The following PPP1R16B variants were observed in gnomAD, a reference collection of about 807,000 sequenced individuals.
PPP1R16B encodes protein phosphatase 1 regulatory inhibitor subunit 16B.
In PPP1R16B, 14 loss-of-function variants were observed where a neutral mutation model predicts 61.7. That is an observed-to-expected ratio of 0.23 (90% CI 0.15 to 0.35). The LOEUF (loss-of-function observed/expected upper bound fraction) is 0.35, where lower values mean the gene tolerates loss of function less well. PPP1R16B is among the 10% of genes least tolerant of loss of function. The pLI is 1.00. For synonymous variants in PPP1R16B, 266 were observed against 305.3 expected (o/e 0.87, Z 1.34); for missense variants, 547 against 752.5 (o/e 0.73, Z 3.19).
At chr20:38,824,715 C>G (rs962668829) in intron 1 of PPP1R16B, among the ~76,000 whole-genome samples, 6 of 152,252 alleles carry the variant, frequency 3.9e-5, no homozygotes, top group African/African-American at 1.4e-4. Flanking sequence ...AGTGAACAAA[C>G]TATATGAAAA....
In PPP1R16B at chr20:38,905,893, G is replaced by A. The variant is rs1345713118; in HGVS notation, c.697-76G>A. On this transcript the variant is annotated intron_variant, in intron 6 of 10. Transcript: ENST00000299824. ...GCCCCAAGGATGCTGTGGGAGTTGGGTGAAGGTGAGAGCTAGCCTACCGTC... is the reference window on the plus strand; with the variant it reads ...GCCCCAAGGATGCTGTGGGAGTTGGATGAAGGTGAGAGCTAGCCTACCGTC... 7.5e-6 allele frequency: 11 copies of A among 1,467,104 alleles called. No individual in the cohort carries two copies. The South Asian group carries it at 8.9e-5, about 12-fold the overall frequency. 90.9% of individuals were successfully genotyped at this position (1,467,104 alleles called of 1,614,324 possible). A position where few individuals can be genotyped will look rare whatever the true frequency, so the allele number is the denominator to read the frequency against.
At chr20:38,840,914 G>C (rs555580501) in intron 2 of PPP1R16B, among the ~76,000 whole-genome samples, 1 of 152,294 alleles carries the variant, frequency 6.6e-6, no homozygotes, top group East Asian at 1.9e-4. Context: ...GAAGTGGTAT[G>C]GTCAGAGCTA....
intron 1 of PPP1R16B, among the ~76,000 whole-genome samples, chr20:38,834,524 T>C (rs1197768145): frequency 1.3e-5 from 2 of 152,228 alleles, no homozygotes; most frequent in Non-Finnish European, 2.9e-5. Flanking sequence ...AGAGCAAGGA[T>C]GTAATTTTTT....
chr20:38,878,039 ACATGTTTGGATGTCGGTCATCTTGCTT>A (rs1388608132), intron 2 of PPP1R16B, among the ~76,000 whole-genome samples: 1 of 133,100 alleles, frequency 7.5e-6, no homozygotes, highest in Non-Finnish European at 1.5e-5. Flanking sequence ...CTCATCTGGT[ACATGTTTGGATGTCGGTCATCTTGCTT>A]CGTGATTTGT....
rs1408683964 is a variant in PPP1R16B at position 38,907,731 on chromosome 20, C to T, written c.899-75C>T. 2 of 1,549,210 alleles carry T rather than the reference C, an allele frequency of 1.3e-6. No homozygotes were observed. Among genetic ancestry groups the T allele is most frequent in the Non-Finnish European group, 1.8e-6 (2 of 1,132,200 alleles). ...TTTTCAGTGGGTTGGGGTGGCAGCT[C>T]CTCTGGTCTGGAGCACCCTCTTGCG... On this transcript the variant is annotated intron_variant, in intron 8 of 10. Transcript: ENST00000299824. The surrounding 1 kb of genome is among the most constrained non-coding windows in gnomAD (Gnocchi z 4.5).
intron 10 of PPP1R16B, among the ~76,000 whole-genome samples, chr20:38,912,680 A>T (rs1010261948): frequency 1.3e-5 from 2 of 151,954 alleles, no homozygotes; most frequent in Non-Finnish European, 2.9e-5. Flanking sequence ...GTCTCTAAAA[A>T]AAAAATAAAA....
At chr20:38,855,927 T>TA (rs2085002378) in intron 2 of PPP1R16B, among the ~76,000 whole-genome samples, 1 of 54,770 alleles carries the variant, frequency 1.8e-5, no homozygotes, top group Non-Finnish European at 3.1e-5. Flanking sequence ...TATATATATA[T>TA]ATATATATAT....
chr20:38,819,826 T>A (rs2084761494), intron 1 of PPP1R16B, among the ~76,000 whole-genome samples: 1 of 152,054 alleles, frequency 6.6e-6, no homozygotes. Flanking sequence ...GAAAAACAAA[T>A]ACACAAAAGT....
chr20:38,826,487 G>T (rs913152101), intron 1 of PPP1R16B, among the ~76,000 whole-genome samples: 2 of 152,194 alleles, frequency 1.3e-5, no homozygotes, highest in Non-Finnish European at 1.5e-5. Flanking sequence ...TGCAGGGGAA[G>T]CTCAGCATGG....
chr20:38,902,614 C>G, intron 5 of PPP1R16B, 54 bp from the exon 6 acceptor site: 2 of 1,610,884 alleles, frequency 1.2e-6, no homozygotes, highest in Non-Finnish European at 1.7e-6. Context: ...TTCCCCTGCC[C>G]TCTGGGGTCG....
intron 10 of PPP1R16B, among the ~76,000 whole-genome samples, chr20:38,910,135 C>A (rs149772533): frequency 6.6e-6 from 1 of 151,990 alleles, no homozygotes; most frequent in Non-Finnish European, 1.5e-5. Context: ...CCCGCCACGA[C>A]GCCTGGTGGA....
chr20:38,881,344 C>T (rs2085202166), intron 2 of PPP1R16B, among the ~76,000 whole-genome samples: 1 of 152,222 alleles, frequency 6.6e-6, no homozygotes, highest in Non-Finnish European at 1.5e-5. Flanking sequence ...GCCTTGGGGG[C>T]ACAGGACAGC....
At chr20:38,900,559 C>T (rs1213640884) in intron 4 of PPP1R16B, 22 bp from the exon 5 acceptor site, 1 of 1,590,332 alleles carries the variant, frequency 6.3e-7, no homozygotes, top group South Asian at 1.2e-5. Context: ...ACTTGGCCCT[C>T]ACCCTGCCTC....
At position 38,906,961 on chromosome 20, in the gene PPP1R16B, C is replaced by G. The variant is rs774106716; in HGVS notation, c.823-18C>G. The stretch of plus-strand genomic sequence containing the variant: ...AGCTCTGGGCAGGGGGACACATGAG[C>G]TTCTTCCTGTGTTTCAGATGCAGAT... On this transcript the variant is annotated intron_variant, in intron 7 of 10. Transcript: ENST00000299824. 6.2e-7 allele frequency: 1 copy of G among 1,608,826 alleles called. No individual in the cohort carries two copies. The highest frequency in any genetic ancestry group is 1.7e-5 in the Admixed American group (1 of 59,998).
chr20:38,918,540 A>G lies in PPP1R16B; in HGVS notation c.1578A>G (p.Ser526=). 1 of 1,582,756 alleles carries G rather than the reference A, an allele frequency of 6.3e-7. No homozygotes were observed. Among genetic ancestry groups the G allele is most frequent in the Non-Finnish European group, 8.6e-7 (1 of 1,162,578 alleles). The change falls in exon 11 of 11, where the codon TCA becomes TCG. Residue 526 remains serine (S), a synonymous_variant. Transcript: ENST00000299824. This position sits in a 1 kb window ranked among gnomAD's most constrained non-coding sequence, Gnocchi z 5.3. ...CCCCCTTGATCGGAGGCAGAACTTCACCGTACAGCAGCAATGGGACCTCGG... is the reference window on the plus strand; with the variant it reads ...CCCCCTTGATCGGAGGCAGAACTTCGCCGTACAGCAGCAATGGGACCTCGG... ...GKAPLIGGRT[S]PYSSNGTSVY...
intron 2 of PPP1R16B, among the ~76,000 whole-genome samples, chr20:38,843,043 TG>T (rs1386240101): frequency 6.6e-6 from 1 of 152,204 alleles, no homozygotes; most frequent in Non-Finnish European, 1.5e-5. Flanking sequence ...AGGGGCAGTT[TG>T]TAAAGGGTTT....
At chr20:38,837,814 C>T (rs2084882635) in intron 2 of PPP1R16B, among the ~76,000 whole-genome samples, 1 of 152,164 alleles carries the variant, frequency 6.6e-6, no homozygotes, top group South Asian at 2.1e-4. Flanking sequence ...TCCCAAAATG[C>T]TGGGATTACA....
At chr20:38,807,073 C>T (rs963476753) in intron 1 of PPP1R16B, among the ~76,000 whole-genome samples, 2 of 152,218 alleles carry the variant, frequency 1.3e-5, no homozygotes, top group African/African-American at 4.8e-5. Flanking sequence ...ACCCGGGGCC[C>T]GGAGGTACAG....
chr20:38,906,971 T>G lies in PPP1R16B; in HGVS notation c.823-8T>G. On this transcript the variant is annotated splice_region_variant and splice_polypyrimidine_tract_variant and intron_variant, in intron 7 of 10. Transcript: ENST00000299824. ...AGGGGGACACATGAGCTTCTTCCTG[T>G]GTTTCAGATGCAGATGGCAGAGCTA... is the stretch of plus-strand genomic sequence containing the variant. The G allele has an allele frequency of 6.2e-7, 1 of 1,613,230 alleles. No individual in the cohort carries two copies. The highest frequency in any genetic ancestry group is 8.5e-7 in the Non-Finnish European group (1 of 1,179,188).
Sources: gnomAD v4.1 joint callset for allele counts (sites outside exome capture counted in the v4.1 genomes callset) on GRCh38, gnomAD v4.1.1 for gene constraint, Gnocchi (gnomAD v3.1) non-coding constraint, MANE v1.5 for transcripts, NCBI Gene and HGNC (gene_info 2026-07-23, HGNC 2026-07-21) for gene names.